The following FHIT variants were observed in gnomAD, a reference collection of about 807,000 sequenced individuals.
FHIT encodes the protein bis(5'-adenosyl)-triphosphatase.
FHIT carries 19 observed loss-of-function variants against 17.9 expected under a neutral mutation model. The observed-to-expected ratio is 1.06, with a 90% CI of 0.74 to 1.56. The LOEUF is 1.56. Among genes scored for constraint, FHIT ranks in the 40% most tolerant of loss-of-function variants. FHIT has a pLI of 0.00. For missense variants in FHIT, 248 were observed against 189.2 expected, an observed-to-expected ratio of 1.31 and a Z score of -1.82; for synonymous variants, 81 against 69.7, an observed-to-expected ratio of 1.16 and a Z score of -0.81.
At chr3:60,199,867 G>A (rs1402826083) in intron 5 of FHIT, among the ~76,000 whole-genome samples, 1 of 151,996 alleles carries the variant, frequency 6.6e-6, no homozygotes, top group African/African-American at 2.4e-5. Context: ...TTCAAACTGG[G>A]GGTGTCAAAC....
At chr3:60,627,914 C>T (rs1553681440) in intron 4 of FHIT, among the ~76,000 whole-genome samples, 1 of 152,158 alleles carries the variant, frequency 6.6e-6, no homozygotes, top group Non-Finnish European at 1.5e-5. Context: ...GTTTGTTCAT[C>T]TTTTGAACCA....
At chr3:60,384,119 T>C (rs2107124801) in intron 5 of FHIT, among the ~76,000 whole-genome samples, 1 of 152,024 alleles carries the variant, frequency 6.6e-6, no homozygotes, top group East Asian at 1.9e-4. Context: ...ATACAAAAAA[T>C]TAGACGAGTG....
At position 61,210,125 on chromosome 3, in the gene FHIT, C is replaced by T. The variant is rs569251242; in HGVS notation, c.-212-9460G>A. ...ATCAGCAGCCGTGGCTGCAGAACAG[C>T]GGATATTGATGAACCGCAAATGCTA... On this transcript the variant is annotated intron_variant, in intron 1 of 9. Coordinates refer to ENST00000492590, the MANE Select transcript of FHIT (RefSeq NM_002012.4). Among the ~76,000 whole-genome samples, 4 of 152,278 alleles carry T rather than the reference C, an allele frequency of 2.6e-5. No individual in the cohort carries two copies. In the East Asian group the frequency reaches 5.8e-4, roughly 22 times the overall value.
chr3:60,649,696 TTGC>T, intron 4 of FHIT, among the ~76,000 whole-genome samples: 1 of 152,330 alleles, frequency 6.6e-6, no homozygotes, highest in South Asian at 2.1e-4. Context: ...ATCAAGCTTA[TTGC>T]TGTTGTAGGA....
intron 4 of FHIT, among the ~76,000 whole-genome samples, chr3:60,669,007 A>G (rs1559627191): frequency 6.6e-6 from 1 of 152,196 alleles, no homozygotes; most frequent in Admixed American, 6.5e-5. Flanking sequence ...TTTTAATTGC[A>G]TATTTCCATT....
At chr3:60,214,965 T>A (rs751169278) in intron 5 of FHIT, among the ~76,000 whole-genome samples, 1 of 151,856 alleles carries the variant, frequency 6.6e-6, no homozygotes, top group Admixed American at 6.6e-5. Flanking sequence ...GAGCTAAACA[T>A]TGAATACATA....
chr3:60,255,321 C>G (rs1173780146), intron 5 of FHIT, among the ~76,000 whole-genome samples: 1 of 152,088 alleles, frequency 6.6e-6, no homozygotes, highest in Admixed American at 6.6e-5. Flanking sequence ...AGGGTTTAAA[C>G]ATCAAACCAC....
intron 5 of FHIT, among the ~76,000 whole-genome samples, chr3:60,078,112 A>C (rs1703113451): frequency 6.6e-6 from 1 of 152,166 alleles, no homozygotes; most frequent in Non-Finnish European, 1.5e-5. Context: ...GTTTCAGGTA[A>C]GAATCAGTAG....
intron 5 of FHIT, among the ~76,000 whole-genome samples, chr3:60,084,065 C>G (rs1703399422): frequency 6.6e-6 from 1 of 152,048 alleles, no homozygotes; most frequent in Non-Finnish European, 1.5e-5. Flanking sequence ...AGCAATATCA[C>G]TTTTTTTAAC....
At chr3:61,101,601 G>T (rs1335290896) in intron 2 of FHIT, among the ~76,000 whole-genome samples, 1 of 152,150 alleles carries the variant, frequency 6.6e-6, no homozygotes, top group Non-Finnish European at 1.5e-5. Context: ...AAAGTCACTG[G>T]TAGCTTGATG....
chr3:60,121,059 C>A (rs1024752296), intron 5 of FHIT, among the ~76,000 whole-genome samples: 8 of 152,120 alleles, frequency 5.3e-5, no homozygotes, highest in Admixed American at 2.0e-4. Context: ...ATCATGAAAT[C>A]TTCTTGTGAT....
chr3:59,977,759 T>C (rs1328962638), intron 7 of FHIT, among the ~76,000 whole-genome samples: 1 of 152,172 alleles, frequency 6.6e-6, no homozygotes, highest in East Asian at 1.9e-4. Flanking sequence ...TATCTATCTG[T>C]AGCTCCAGGA....
intron 5 of FHIT, among the ~76,000 whole-genome samples, chr3:60,099,177 T>C (rs35881306): frequency 0.14 from 21,960 of 152,160 alleles, 1,773 homozygotes; most frequent in Non-Finnish European, 0.17. Flanking sequence ...CTACTAGTCT[T>C]TGCTCATGCC....
intron 5 of FHIT, among the ~76,000 whole-genome samples, chr3:60,080,186 C>A (rs1053718514): frequency 6.6e-6 from 1 of 152,138 alleles, no homozygotes; most frequent in African/African-American, 2.4e-5. Context: ...GAGTACCTAT[C>A]TGTTAGAAAT....
intron 3 of FHIT, among the ~76,000 whole-genome samples, chr3:60,863,669 G>GTAT (rs1704026523): frequency 6.6e-6 from 1 of 152,108 alleles, no homozygotes; most frequent in Admixed American, 6.6e-5. Context: ...TGGTCCCTGG[G>GTAT]TGAGGTATTG....
intron 5 of FHIT, among the ~76,000 whole-genome samples, chr3:60,187,063 C>T (rs188080939): frequency 1.6e-3 from 249 of 152,166 alleles, no homozygotes; most frequent in African/African-American, 5.9e-3. Flanking sequence ...ATATGCAAAC[C>T]AAGACAAGGT....
At chr3:60,684,325 C>T (rs782691088) in intron 4 of FHIT, among the ~76,000 whole-genome samples, 1 of 152,054 alleles carries the variant, frequency 6.6e-6, no homozygotes, top group Non-Finnish European at 1.5e-5. Context: ...TCTGCAAGGA[C>T]CATTTTTTTT....
At chr3:59,790,667 CTATAA>C (rs1378113714) in intron 8 of FHIT, among the ~76,000 whole-genome samples, 1 of 152,112 alleles carries the variant, frequency 6.6e-6, no homozygotes, top group Admixed American at 6.6e-5. Flanking sequence ...TGTAACCCTA[CTATAA>C]TGCTCTTCTC....
chr3:60,542,944 A>T (rs1379047995), intron 4 of FHIT, among the ~76,000 whole-genome samples: 1 of 152,184 alleles, frequency 6.6e-6, no homozygotes, highest in Admixed American at 6.5e-5. Flanking sequence ...AAATACAGAA[A>T]CGGCTTCATT....
Sources: allele counts gnomAD v4.1 joint callset (sites outside exome capture counted in the v4.1 genomes callset), GRCh38; gene constraint gnomAD v4.1.1; transcripts MANE v1.5; gene names NCBI Gene and HGNC (gene_info 2026-07-23, HGNC 2026-07-21).